ZBTB7C: variants seen among roughly 807,000 people sequenced by gnomAD.
ZBTB7C encodes the protein zinc finger and BTB domain containing 7C.
Under a neutral mutation model 25.7 loss-of-function variants are expected in ZBTB7C, and 8 were observed. That is an observed-to-expected ratio of 0.31 (90% CI 0.18 to 0.56). The LOEUF is 0.56. ZBTB7C is among the 20% of genes least tolerant of loss of function. The pLI is 0.91. For synonymous variants in ZBTB7C, 394 were observed against 369.0 expected (o/e 1.07, Z -0.78); for missense variants, 824 against 855.2 (o/e 0.96, Z 0.46).
At chr18:48,164,886 AC>A (rs758220595) in intron 3 of ZBTB7C, among the ~76,000 whole-genome samples, 2 of 152,066 alleles carry the variant, frequency 1.3e-5, no homozygotes, top group Non-Finnish European at 1.5e-5. Flanking sequence ...CCTACATCCC[AC>A]CAAGTTGGGA....
At chr18:48,070,742 C>T (rs187455775) in intron 3 of ZBTB7C, among the ~76,000 whole-genome samples, 1 of 152,152 alleles carries the variant, frequency 6.6e-6, no homozygotes, top group African/African-American at 2.4e-5. Flanking sequence ...TGCAAACATG[C>T]CATTCTTTAG....
At chr18:48,239,060 C>T (rs948366881) in intron 2 of ZBTB7C, among the ~76,000 whole-genome samples, 1 of 152,124 alleles carries the variant, frequency 6.6e-6, no homozygotes. Flanking sequence ...GTCACTTCCC[C>T]GGTGACCTGT....
chr18:48,097,368 T>C (rs1256040929), intron 3 of ZBTB7C, among the ~76,000 whole-genome samples: 1 of 109,720 alleles, frequency 9.1e-6, no homozygotes, highest in Non-Finnish European at 1.9e-5. Flanking sequence ...AAGACAACTT[T>C]TATTATTGTT....
chr18:48,259,110 C>T (rs12327527), intron 2 of ZBTB7C, among the ~76,000 whole-genome samples: 35,065 of 151,980 alleles, frequency 0.23, 4,187 homozygotes, highest in Middle Eastern at 0.31. Context: ...CCACCACACC[C>T]GGCTAATTTT....
chr18:48,363,561 G>A (rs960517543), intron 1 of ZBTB7C, among the ~76,000 whole-genome samples: 1 of 152,170 alleles, frequency 6.6e-6, no homozygotes, highest in African/African-American at 2.4e-5. Context: ...ATTAAAATAT[G>A]AGATGAATTT....
At chr18:48,036,779 G>T (rs1238626748) in intron 4 of ZBTB7C, among the ~76,000 whole-genome samples, 1 of 152,164 alleles carries the variant, frequency 6.6e-6, no homozygotes, top group Non-Finnish European at 1.5e-5. Flanking sequence ...GAGCTTCCAG[G>T]TGGAAGGGGC....
intron 3 of ZBTB7C, among the ~76,000 whole-genome samples, chr18:48,113,211 T>C (rs2039307587): frequency 6.6e-6 from 1 of 152,240 alleles, no homozygotes; most frequent in African/African-American, 2.4e-5. Context: ...GATTCATCCA[T>C]GACACCAACT....
At chr18:48,321,381 G>T (rs1308271700) in intron 2 of ZBTB7C, among the ~76,000 whole-genome samples, 1 of 152,200 alleles carries the variant, frequency 6.6e-6, no homozygotes, top group Non-Finnish European at 1.5e-5. Flanking sequence ...CAGGCACTGT[G>T]CTGGGTAGAG....
chr18:48,292,276 C>T lies in ZBTB7C; in HGVS notation c.-79+45898G>A, dbSNP rs572299797. On this transcript the variant is annotated intron_variant, in intron 2 of 4. Transcript: ENST00000590800. ...TACATTATCAAGAATGTCCATAATT[C>T]CTCGTTAAAGCAAGTGCTATCATTC... is the stretch of plus-strand genomic sequence containing the variant. Among the ~76,000 whole-genome samples the T allele has an allele frequency of 4.9e-4, 74 of 152,218 alleles. 1 individual carries two copies. Among genetic ancestry groups the T allele is most frequent in the African/African-American group, 1.3e-3 (56 of 41,516 alleles).
At chr18:48,109,146 G>A (rs1318076245) in intron 3 of ZBTB7C, among the ~76,000 whole-genome samples, 1 of 152,150 alleles carries the variant, frequency 6.6e-6, no homozygotes, top group Non-Finnish European at 1.5e-5. Flanking sequence ...TGGCCTTGGG[G>A]TGTTGCTAAG....
intron 2 of ZBTB7C, among the ~76,000 whole-genome samples, chr18:48,290,415 T>C (rs1301552780): frequency 6.6e-6 from 1 of 152,168 alleles, no homozygotes; most frequent in Non-Finnish European, 1.5e-5. Context: ...GGGTGGGCAA[T>C]GGCTTCTGTA....
intron 2 of ZBTB7C, among the ~76,000 whole-genome samples, chr18:48,230,818 G>A (rs990146080): frequency 9.9e-5 from 15 of 152,182 alleles, no homozygotes; most frequent in Non-Finnish European, 1.5e-4. Context: ...ATCTCTGCAC[G>A]GAAAGCCCCC....
intron 3 of ZBTB7C, among the ~76,000 whole-genome samples, chr18:48,146,397 G>A (rs907811606): frequency 1.3e-5 from 2 of 152,082 alleles, no homozygotes; most frequent in African/African-American, 4.8e-5. Context: ...CTAAGCTTAA[G>A]TTTATATAAT....
chr18:48,177,972 C>T (rs1024059978), intron 3 of ZBTB7C, among the ~76,000 whole-genome samples: 2 of 151,750 alleles, frequency 1.3e-5, no homozygotes, highest in African/African-American at 4.9e-5. Flanking sequence ...GGTAAGGTGG[C>T]CCCTCCACCC....
In ZBTB7C at chr18:48,138,645, G is replaced by A. The variant is rs4076365; in HGVS notation, c.-17+47289C>T. Among the ~76,000 whole-genome samples the A allele has an allele frequency of 4.5e-3, 680 of 152,268 alleles. 3 individuals are homozygous for A. Among genetic ancestry groups the A allele is most frequent in the Non-Finnish European group, 7.9e-3 (540 of 68,018 alleles). On this transcript the variant is annotated intron_variant, in intron 3 of 4. Coordinates refer to ENST00000590800, the MANE Select transcript of ZBTB7C (RefSeq NM_001318841.2). Reference sequence around the variant, plus strand: ...AATTGGGTGCTGAAGGGAAGAAGCAGGGGTGCTTCATCAGAGCAGGTGGAC... The same window carrying A: ...AATTGGGTGCTGAAGGGAAGAAGCAAGGGTGCTTCATCAGAGCAGGTGGAC...
chr18:48,100,519 G>A (rs771389529), intron 3 of ZBTB7C, among the ~76,000 whole-genome samples: 3 of 152,090 alleles, frequency 2.0e-5, no homozygotes, highest in South Asian at 2.1e-4. Flanking sequence ...AGACTGTATC[G>A]CCGAGATAAT....
At chr18:48,076,280 G>A (rs1448805453) in intron 3 of ZBTB7C, among the ~76,000 whole-genome samples, 1 of 152,198 alleles carries the variant, frequency 6.6e-6, no homozygotes, top group African/African-American at 2.4e-5. Context: ...TATTTATGAG[G>A]AGAGTGAGAC....
intron 2 of ZBTB7C, among the ~76,000 whole-genome samples, chr18:48,331,785 A>G (rs957115118): frequency 6.6e-6 from 1 of 152,228 alleles, no homozygotes; most frequent in Non-Finnish European, 1.5e-5. Context: ...TGGCATAGAA[A>G]GGCTTAAGCT....
chr18:48,316,728 C>T (rs1316658089), intron 2 of ZBTB7C, among the ~76,000 whole-genome samples: 1 of 152,212 alleles, frequency 6.6e-6, no homozygotes, highest in African/African-American at 2.4e-5. Context: ...ATCCTGGTGC[C>T]ATGCTTGCAC....
Sources: allele counts gnomAD v4.1 joint callset (sites outside exome capture counted in the v4.1 genomes callset), GRCh38; gene constraint gnomAD v4.1.1; transcripts MANE v1.5; gene names NCBI Gene and HGNC (gene_info 2026-07-23, HGNC 2026-07-21).